The following VTA1 variants were observed in gnomAD, a reference collection of about 807,000 sequenced individuals.
VTA1 encodes the protein vesicle trafficking 1, also known as vacuolar protein sorting-associated protein VTA1 homolog.
VTA1 carries 24 observed loss-of-function variants against 36.9 expected under a neutral mutation model. The observed-to-expected ratio is 0.65, with a 90% CI of 0.47 to 0.91. The LOEUF is 0.91. Ranked by LOEUF, VTA1 falls within the 40% of genes least tolerant of loss-of-function variation. The pLI, the probability that VTA1 is intolerant of heterozygous loss-of-function variation, is 0.00. For synonymous variants in VTA1, 142 were observed against 130.2 expected (o/e 1.09, Z -0.62); for missense variants, 393 against 377.2 (o/e 1.04, Z -0.35).
intron 7 of VTA1, among the ~76,000 whole-genome samples, chr6:142,209,360 A>G (rs566385856): frequency 4.0e-4 from 61 of 151,970 alleles, no homozygotes; most frequent in Non-Finnish European, 7.7e-4. Flanking sequence ...ATAACTAACT[A>G]TAATATTCCG....
chr6:142,171,337 C>T (rs536367324), intron 4 of VTA1, among the ~76,000 whole-genome samples: 9 of 151,972 alleles, frequency 5.9e-5, no homozygotes, highest in African/African-American at 1.7e-4. Context: ...TCAGGTAATC[C>T]GCCCACCTTG....
chr6:142,209,723 CTA>C lies in VTA1; in HGVS notation c.778+5661_778+5662del, dbSNP rs1024337217. On this transcript the variant is annotated intron_variant, in intron 7 of 7. Transcript: ENST00000367630. Reference sequence around the variant, plus strand: ...TGTGTATATATTAATAACAGAAAAACTATAAAAAATTCTGATAAATGTAATAG... The same window carrying C: ...TGTGTATATATTAATAACAGAAAAACTAAAAAATTCTGATAAATGTAATAG... Among the ~76,000 whole-genome samples, 47 of 150,974 alleles carry C rather than the reference CTA, an allele frequency of 3.1e-4. 1 individual carries two copies. Among genetic ancestry groups the C allele is most frequent in the South Asian group, 8.4e-4 (4 of 4,778 alleles).
At chr6:142,175,424 C>A (rs1413243537) in intron 4 of VTA1, among the ~76,000 whole-genome samples, 1 of 151,936 alleles carries the variant, frequency 6.6e-6, no homozygotes, top group Non-Finnish European at 1.5e-5. Flanking sequence ...CCGGCTTTGC[C>A]TAAGTTTTAT....
intron 4 of VTA1, among the ~76,000 whole-genome samples, chr6:142,175,902 T>G (rs1195616005): frequency 6.6e-6 from 1 of 152,100 alleles, no homozygotes; most frequent in Non-Finnish European, 1.5e-5. Flanking sequence ...TATTTCTCAG[T>G]TATCTTATCT....
intron 7 of VTA1, among the ~76,000 whole-genome samples, chr6:142,210,915 C>T (rs765434462): frequency 5.3e-5 from 8 of 152,172 alleles, no homozygotes; most frequent in Non-Finnish European, 1.2e-4. Context: ...TGGAATCAAC[C>T]TAAATGGCTA....
At position 142,219,926 on chromosome 6, in the gene VTA1, G is replaced by C. The variant is rs1478157150; in HGVS notation, c.*1283G>C. ...GGTTGCTTTCCACAACTGCAGAGTTGTATGGCTTGCAAGTCTAAAAACATT... is the reference window on the plus strand; with the variant it reads ...GGTTGCTTTCCACAACTGCAGAGTTCTATGGCTTGCAAGTCTAAAAACATT... On this transcript the variant is annotated 3_prime_UTR_variant, in exon 8 of 8. Coordinates refer to ENST00000367630, the MANE Select transcript of VTA1 (RefSeq NM_016485.5). 6.6e-6 allele frequency: 1 copy of C among 152,132 alleles called. No homozygotes were observed. The highest frequency in any genetic ancestry group is 2.4e-5 in the African/African-American group (1 of 41,424). The allele number at this position is 152,132 out of a possible 1,614,324, so 9.4% of individuals were successfully genotyped here. A position where few individuals can be genotyped will look rare whatever the true frequency, so the allele number is the denominator to read the frequency against.
intron 5 of VTA1, among the ~76,000 whole-genome samples, chr6:142,193,919 C>T (rs1775498576): frequency 6.6e-6 from 1 of 152,068 alleles, no homozygotes; most frequent in Admixed American, 6.6e-5. Flanking sequence ...CAAGATATTA[C>T]ACTGGTCCAT....
In VTA1 at chr6:142,218,782, T is replaced by G. The variant is rs1776050244; in HGVS notation, c.*139T>G. On this transcript the variant is annotated 3_prime_UTR_variant, in exon 8 of 8. Transcript: ENST00000367630. ...GACAATGAAATCTGTGTGTATCAGA[T>G]TTTTATTGAAGCATTCATCAGCAGC... 2 of 1,016,746 alleles carry G rather than the reference T, an allele frequency of 2.0e-6. No individual in the cohort carries two copies. The highest frequency in any genetic ancestry group is 3.6e-5 in the Admixed American group (1 of 27,920). 63.0% of individuals were successfully genotyped at this position (1,016,746 alleles called of 1,614,324 possible). A position where few individuals can be genotyped will look rare whatever the true frequency, so the allele number is the denominator to read the frequency against.
At position 142,183,643 on chromosome 6, in the gene VTA1, A is replaced by G. The variant is rs558093619; in HGVS notation, c.412-5783A>G. On this transcript the variant is annotated intron_variant, in intron 4 of 7. Transcript: ENST00000367630. The stretch of plus-strand genomic sequence containing the variant: ...CTTAGAAAGGATGTTTAATCAGCCA[A>G]AAGGAGTTAATGAATTTCAAAAATA... Among the ~76,000 whole-genome samples, 9 of 152,336 alleles carry G rather than the reference A, an allele frequency of 5.9e-5. No individual in the cohort carries two copies. In the South Asian group the frequency reaches 6.2e-4, roughly 11 times the overall value.
intron 6 of VTA1, 21 bp from the exon 7 acceptor site, chr6:142,203,964 T>G (rs1464118384): frequency 6.8e-6 from 11 of 1,607,712 alleles, no homozygotes; most frequent in Non-Finnish European, 9.4e-6. Context: ...CTATGCCCAT[T>G]TTTGCTTTTC....
chr6:142,204,576 A>C (rs1775751312), intron 7 of VTA1, among the ~76,000 whole-genome samples: 1 of 152,072 alleles, frequency 6.6e-6, no homozygotes, highest in Non-Finnish European at 1.5e-5. Flanking sequence ...TTTTAGCCCA[A>C]ATCAGGCATT....
intron 1 of VTA1, among the ~76,000 whole-genome samples, chr6:142,163,690 G>A (rs1774857143): frequency 6.6e-6 from 1 of 152,232 alleles, no homozygotes; most frequent in African/African-American, 2.4e-5. Flanking sequence ...AGAAGGCATG[G>A]GGGTGTGGGG....
At chr6:142,158,773 C>T (rs770598508) in intron 1 of VTA1, among the ~76,000 whole-genome samples, 2 of 152,040 alleles carry the variant, frequency 1.3e-5, no homozygotes, top group Non-Finnish European at 2.9e-5. Flanking sequence ...TGTGAAGTTA[C>T]TAGATATTCC....
rs781171676 is a variant in VTA1, at chr6:142,189,514, T to C, written c.500T>C (p.Val167Ala). ...GGGGAGACTCCTCAAGCAGGCCCTG[T>C]TGGAATTGAAGAAGATAATGGTATG... ...KNGETPQAGP[V>A]GIEEDNDIEE... The change falls in exon 5 of 8, where the codon GTT (valine) becomes GCT (alanine). Residue 167 changes from valine (V) to alanine (A), a missense_variant. Transcript: ENST00000367630. 6 of 1,611,082 alleles carry C rather than the reference T, an allele frequency of 3.7e-6. No individual in the cohort carries two copies. The South Asian group carries it at 5.5e-5, about 15-fold the overall frequency.
At chr6:142,170,180 G>C (rs1478514570) in intron 3 of VTA1, among the ~76,000 whole-genome samples, 166 bp from the exon 4 acceptor site, 1 of 152,162 alleles carries the variant, frequency 6.6e-6, no homozygotes, top group Non-Finnish European at 1.5e-5. Context: ...CATAGTAACA[G>C]ATTAGAAAAC....
At chr6:142,209,482 G>A (rs576220055) in intron 7 of VTA1, among the ~76,000 whole-genome samples, 2 of 150,066 alleles carry the variant, frequency 1.3e-5, no homozygotes, top group African/African-American at 4.9e-5. Flanking sequence ...CCTGGGAATC[G>A]ATCTAACTAA....
chr6:142,204,003 T>A lies in VTA1; in HGVS notation c.716T>A (p.Ile239Asn), dbSNP rs757129015. ...PHSTGVASNT[I>N]QPTPQTIPAI... ...TTTGCAGGTGTAGCAAGTAATACTA[T>A]CCAACCTACTCCACAGACTATACCT... Residue 239 changes from isoleucine to asparagine, a missense_variant, in exon 7 of 8, where the codon ATC becomes AAC. By Grantham distance (149) the Ile-to-Asn change is moderately radical. Coordinates refer to ENST00000367630, the MANE Select transcript of VTA1 (RefSeq NM_016485.5). 14 of 1,613,394 alleles carry A rather than the reference T, an allele frequency of 8.7e-6. No individual in the cohort carries two copies. Among genetic ancestry groups the A allele is most frequent in the African/African-American group, 1.3e-5 (1 of 74,882 alleles).
chr6:142,192,582 T>C (rs898370294), intron 5 of VTA1, among the ~76,000 whole-genome samples: 2 of 152,098 alleles, frequency 1.3e-5, no homozygotes, highest in Non-Finnish European at 2.9e-5. Context: ...TGATCCAGAA[T>C]TAAACATTCT....
intron 1 of VTA1, among the ~76,000 whole-genome samples, chr6:142,150,865 T>C (rs1446158576): frequency 2.0e-5 from 3 of 150,104 alleles, no homozygotes; most frequent in African/African-American, 4.9e-5. Flanking sequence ...TAAGCTGAGA[T>C]CGTGCCATTG....
Sources: allele counts gnomAD v4.1 joint callset (sites outside exome capture counted in the v4.1 genomes callset), GRCh38; gene constraint gnomAD v4.1.1; transcripts MANE v1.5; gene names NCBI Gene and HGNC (gene_info 2026-07-23, HGNC 2026-07-21).